The following KCNAB1 variants were observed in gnomAD, a reference collection of about 807,000 sequenced individuals.
KCNAB1 encodes the protein potassium voltage-gated channel subfamily A regulatory beta subunit 1, also known as voltage-gated potassium channel subunit beta-1.
Under a neutral mutation model 64.6 loss-of-function variants are expected in KCNAB1, and 35 were observed. The ratio of observed to expected loss-of-function variants is 0.54; its 90% CI spans 0.41 to 0.72. KCNAB1 has a LOEUF of 0.72. Among genes scored for constraint, KCNAB1 ranks in the 30% least tolerant of loss-of-function variants. KCNAB1 has a pLI of 0.00. For missense variants in KCNAB1, 401 were observed against 512.9 expected (o/e 0.78, Z 2.11); for synonymous variants, 177 against 183.8 (o/e 0.96, Z 0.30).
At chr3:156,410,353 A>G (rs975123287) in intron 1 of KCNAB1, among the ~76,000 whole-genome samples, 2 of 148,960 alleles carry the variant, frequency 1.3e-5, no homozygotes, top group Non-Finnish European at 3.0e-5. Flanking sequence ...CAGTCAAAAG[A>G]CTGTTTCCAA....
At chr3:156,262,496 CTG>C (rs537522939) in intron 1 of KCNAB1, among the ~76,000 whole-genome samples, 54 of 152,050 alleles carry the variant, frequency 3.6e-4, no homozygotes, top group African/African-American at 1.1e-3. Flanking sequence ...CTTACACTAA[CTG>C]TATTTTGGGT....
chr3:156,369,060 A>T (rs1576782757), intron 1 of KCNAB1, among the ~76,000 whole-genome samples: 4 of 151,844 alleles, frequency 2.6e-5, no homozygotes, highest in Admixed American at 1.3e-4. Flanking sequence ...GAACATTTCC[A>T]CCCCCACCCA....
intron 6 of KCNAB1, among the ~76,000 whole-genome samples, chr3:156,464,366 C>T (rs1379917400): frequency 6.6e-6 from 1 of 152,114 alleles, no homozygotes; most frequent in African/African-American, 2.4e-5. Context: ...TTACATTATT[C>T]AGCAGGACTT....
chr3:156,249,662 A>G (rs886925136), intron 1 of KCNAB1, among the ~76,000 whole-genome samples: 2 of 152,228 alleles, frequency 1.3e-5, no homozygotes, highest in African/African-American at 4.8e-5. Context: ...CGGCTTTACT[A>G]TAAACCACCC....
chr3:156,161,207 A>T (rs1459609681), intron 1 of KCNAB1, among the ~76,000 whole-genome samples: 1 of 152,108 alleles, frequency 6.6e-6, no homozygotes, highest in African/African-American at 2.4e-5. Context: ...TCTGCCCTTT[A>T]AGAGGTATTA....
intron 1 of KCNAB1, among the ~76,000 whole-genome samples, chr3:156,284,398 C>G (rs1719955303): frequency 6.6e-6 from 1 of 152,234 alleles, no homozygotes; most frequent in Non-Finnish European, 1.5e-5. Flanking sequence ...TGTAAGTCTG[C>G]AGAAGTTACT....
At chr3:156,179,763 A>G (rs1712678304) in intron 1 of KCNAB1, among the ~76,000 whole-genome samples, 2 of 152,230 alleles carry the variant, frequency 1.3e-5, no homozygotes, top group African/African-American at 2.4e-5. Flanking sequence ...TCAGGAAAAG[A>G]TTGAATTGCT....
chr3:156,368,557 C>T (rs893480891), intron 1 of KCNAB1, among the ~76,000 whole-genome samples: 1 of 152,174 alleles, frequency 6.6e-6, no homozygotes, highest in African/African-American at 2.4e-5. Context: ...CTCAAAACAT[C>T]ACCCTTTGTT....
At chr3:156,403,808 C>T (rs1399632864) in intron 1 of KCNAB1, among the ~76,000 whole-genome samples, 3 of 151,750 alleles carry the variant, frequency 2.0e-5, no homozygotes, top group South Asian at 2.1e-4. Flanking sequence ...GCAGGAGAAT[C>T]GCTTGAACCC....
In KCNAB1 at chr3:156,120,872, A is replaced by G. The variant is rs758396951; in HGVS notation, c.261A>G (p.Thr87=). Residue 87 remains threonine, a synonymous_variant, in exon 1 of 14, where the codon ACA becomes ACG. Coordinates refer to ENST00000490337, the MANE Select transcript of KCNAB1 (RefSeq NM_172160.3). The part of the protein sequence containing the change: ...LSSEHTTVCT[T]GMPHRNLGKS... Reference sequence around the variant, plus strand: ...GCGAGCACACCACCGTCTGCACCACAGGCATGCCGCACAGGTAAGCTGCCC... The same window carrying G: ...GCGAGCACACCACCGTCTGCACCACGGGCATGCCGCACAGGTAAGCTGCCC... The G allele has an allele frequency of 9.9e-6, 16 of 1,613,934 alleles. No homozygotes were observed. Among genetic ancestry groups the G allele is most frequent in the African/African-American group, 1.3e-5 (1 of 74,950 alleles).
chr3:156,320,283 A>T (rs967764317), intron 1 of KCNAB1, among the ~76,000 whole-genome samples: 3 of 152,154 alleles, frequency 2.0e-5, no homozygotes, highest in African/African-American at 7.2e-5. Context: ...AGGGAAGTAC[A>T]TTTTCCTTAA....
intron 6 of KCNAB1, among the ~76,000 whole-genome samples, chr3:156,464,799 T>A (rs3755633): frequency 0.023 from 3,515 of 152,270 alleles, 91 homozygotes; most frequent in East Asian, 0.12. Flanking sequence ...TGGATTTTCA[T>A]TGCCCGAGCT....
chr3:156,352,902 G>A (rs1043508071), intron 1 of KCNAB1, among the ~76,000 whole-genome samples: 4 of 152,214 alleles, frequency 2.6e-5, no homozygotes, highest in East Asian at 1.9e-4. Flanking sequence ...ACCTGTCATC[G>A]AGCCCATCTG....
chr3:156,203,478 C>G (rs1714471275), intron 1 of KCNAB1, among the ~76,000 whole-genome samples: 1 of 152,098 alleles, frequency 6.6e-6, no homozygotes, highest in African/African-American at 2.4e-5. Context: ...ACTTAACCTT[C>G]CTATGGACCG....
intron 2 of KCNAB1, among the ~76,000 whole-genome samples, chr3:156,444,247 T>A (rs1301098582): frequency 6.6e-6 from 1 of 152,208 alleles, no homozygotes; most frequent in African/African-American, 2.4e-5. Flanking sequence ...ACAGTAGGGT[T>A]GCTCAGAGCA....
At chr3:156,342,533 G>T (rs1724189433) in intron 1 of KCNAB1, among the ~76,000 whole-genome samples, 1 of 150,754 alleles carries the variant, frequency 6.6e-6, no homozygotes, top group Non-Finnish European at 1.5e-5. Context: ...ACATTGAACT[G>T]GCTGGAAATG....
intron 1 of KCNAB1, among the ~76,000 whole-genome samples, chr3:156,397,385 T>C (rs1356321912): frequency 6.6e-6 from 1 of 152,212 alleles, no homozygotes; most frequent in Non-Finnish European, 1.5e-5. Flanking sequence ...CATGCAGATT[T>C]GAATCTCTTT....
At chr3:156,322,405 C>G (rs983931055) in intron 1 of KCNAB1, among the ~76,000 whole-genome samples, 3 of 152,140 alleles carry the variant, frequency 2.0e-5, no homozygotes, top group African/African-American at 4.8e-5. Context: ...AATAAAAGAA[C>G]AGTTGGATCT....
At chr3:156,246,934 A>T (rs1717491766) in intron 1 of KCNAB1, among the ~76,000 whole-genome samples, 1 of 152,228 alleles carries the variant, frequency 6.6e-6, no homozygotes, top group African/African-American at 2.4e-5. Context: ...GATTTAGAGC[A>T]TGAGAACTAT....
Sources: gnomAD v4.1 joint callset for allele counts (sites outside exome capture counted in the v4.1 genomes callset) on GRCh38, gnomAD v4.1.1 for gene constraint, MANE v1.5 for transcripts, NCBI Gene and HGNC (gene_info 2026-07-23, HGNC 2026-07-21) for gene names.